Variants in GNG2 observed in about 807,000 individuals in gnomAD.
GNG2 encodes the protein guanine nucleotide-binding protein G(I)/G(S)/G(O) subunit gamma-2.
Under a neutral mutation model 5.5 loss-of-function variants are expected in GNG2, and 5 were observed. The ratio of observed to expected loss-of-function variants is 0.91; its 90% CI spans 0.48 to 1.92. The LOEUF (loss-of-function observed/expected upper bound fraction) is 1.92, where lower values mean the gene tolerates loss of function less well. Ranked by LOEUF, GNG2 falls within the 30% of genes most tolerant of loss-of-function variation. The pLI is 0.01. For synonymous variants in GNG2, 28 were observed against 32.0 expected, an observed-to-expected ratio of 0.88 and a Z score of 0.42; for missense variants, 55 against 88.4, an observed-to-expected ratio of 0.62 and a Z score of 1.52.
intron 2 of GNG2, among the ~76,000 whole-genome samples, chr14:51,915,837 A>T (rs1211195844): frequency 6.6e-6 from 1 of 152,164 alleles, no homozygotes; most frequent in Non-Finnish European, 1.5e-5. Context: ...CAGCTGCTGT[A>T]CTCTGTTCCC....
intron 2 of GNG2, among the ~76,000 whole-genome samples, chr14:51,852,085 T>G (rs747415119): frequency 5.3e-5 from 8 of 152,154 alleles, no homozygotes; most frequent in Non-Finnish European, 1.2e-4. Flanking sequence ...GACTTGGCTG[T>G]GGTCTGGGTA....
chr14:51,961,125 G>C (rs183370394), intron 3 of GNG2, among the ~76,000 whole-genome samples: 95 of 152,234 alleles, frequency 6.2e-4, no homozygotes, highest in South Asian at 1.0e-3. Flanking sequence ...TTCTCTCAGG[G>C]ATCACTCCTC....
At chr14:51,857,832 T>C (rs770247778), upstream of GNG2, among the ~76,000 whole-genome samples, 66 of 152,058 alleles carry the variant, frequency 4.3e-4, no homozygotes, top group Non-Finnish European at 4.9e-4. Context: ...ATGGAGAATA[T>C]AGAAAGAGGA....
intron 2 of GNG2, among the ~76,000 whole-genome samples, chr14:51,835,589 G>A (rs569870498): frequency 6.6e-6 from 1 of 152,184 alleles, no homozygotes; most frequent in East Asian, 1.9e-4. Flanking sequence ...CCCATGTTCT[G>A]TGTGTCTCTG....
At chr14:51,890,261 C>T (rs113495848) in intron 2 of GNG2, among the ~76,000 whole-genome samples, 37 of 152,332 alleles carry the variant, frequency 2.4e-4, no homozygotes, top group African/African-American at 8.9e-4. Flanking sequence ...GGAAATAGAG[C>T]TCCACCTGGT....
rs544477668 is a variant in GNG2 at position 51,875,698 on chromosome 14, AAAAT to A, written c.-70-1917_-70-1914del. The stretch of plus-strand genomic sequence containing the variant: ...ATTAGAAAAATATATTAAGACATAG[AAAAT>A]ATATATTAGAAAAAACATATGTAAA... On this transcript the variant is annotated intron_variant, in intron 1 of 3. Coordinates refer to ENST00000556766, the MANE Select transcript of GNG2 (RefSeq NM_053064.5). Among the ~76,000 whole-genome samples, 239 of 150,946 alleles carry A rather than the reference AAAAT, an allele frequency of 1.6e-3. 2 individuals carry two copies. Among genetic ancestry groups the A allele is most frequent in the African/African-American group, 5.5e-3 (226 of 41,314 alleles).
At chr14:51,838,517 C>A (rs1258397619) in intron 2 of GNG2, among the ~76,000 whole-genome samples, 8 of 152,110 alleles carry the variant, frequency 5.3e-5, no homozygotes, top group Admixed American at 5.2e-4. Context: ...GAAATGTGTC[C>A]AAATCCGACA....
intron 2 of GNG2, among the ~76,000 whole-genome samples, chr14:51,838,443 C>CAA (rs71121670): frequency 0.03 from 4,386 of 145,474 alleles, 112 homozygotes; most frequent in African/African-American, 0.062. Flanking sequence ...GACTCTGTCT[C>CAA]AAAAAAAAAA....
rs1345503482 is a variant in GNG2 at position 51,969,675 on chromosome 14, AGT to A, written c.*2995_*2996del. The A allele has an allele frequency of 2.0e-5, 3 of 152,186 alleles. 1 individual carries two copies. The highest frequency in any genetic ancestry group is 7.2e-5 in the African/African-American group (3 of 41,430). The allele number at this position is 152,186 out of a possible 1,614,324, so 9.4% of individuals were successfully genotyped here. The stretch of plus-strand genomic sequence containing the variant: ...CATTTTTCCTATATAAGATCTGTGG[AGT>A]GTGTGTTTCAAAGAGAGAACTACAG... On this transcript the variant is annotated 3_prime_UTR_variant, in exon 4 of 4. Transcript: ENST00000556766.
intron 2 of GNG2, among the ~76,000 whole-genome samples, chr14:51,900,973 A>T (rs924750272): frequency 2.0e-5 from 3 of 152,228 alleles, no homozygotes; most frequent in African/African-American, 7.2e-5. Flanking sequence ...GTGTGTTCCC[A>T]CACCCTGCCA....
chr14:51,956,753 G>T (rs1024506671), intron 3 of GNG2, among the ~76,000 whole-genome samples: 4 of 152,172 alleles, frequency 2.6e-5, no homozygotes, highest in African/African-American at 9.7e-5. Context: ...ATGACAGCCT[G>T]TGCTTATTTT....
intron 2 of GNG2, among the ~76,000 whole-genome samples, chr14:51,920,715 T>G (rs1367622918): frequency 1.3e-5 from 2 of 152,200 alleles, no homozygotes; most frequent in African/African-American, 4.8e-5. Context: ...ATTCCCTCTT[T>G]CCATTTCATT....
intron 2 of GNG2, among the ~76,000 whole-genome samples, chr14:51,837,219 A>G (rs564825568): frequency 2.0e-5 from 3 of 152,258 alleles, no homozygotes; most frequent in Non-Finnish European, 4.4e-5. Context: ...TGAAAGAAAC[A>G]TACCTCATTT....
chr14:51,831,451 G>T (rs1479020862), intron 2 of GNG2, among the ~76,000 whole-genome samples: 1 of 152,142 alleles, frequency 6.6e-6, no homozygotes, highest in African/African-American at 2.4e-5. Context: ...ATGAAAGGAT[G>T]ATATAAATGA....
rs1429627302 is a variant in GNG2 at position 51,969,397 on chromosome 14, T to G, written c.*2710T>G. 1 of 152,210 alleles carries G rather than the reference T, an allele frequency of 6.6e-6. No individual in the cohort carries two copies. Among genetic ancestry groups the G allele is most frequent in the African/African-American group, 2.4e-5 (1 of 41,452 alleles). The allele number at this position is 152,210 out of a possible 1,614,324, so 9.4% of individuals were successfully genotyped here. A position where few individuals can be genotyped will look rare whatever the true frequency, so the allele number is the denominator to read the frequency against. ...TCAATCAGAAGATGCAAATACATAC[T>G]TTGATCTATGTTTGATTTTGCTAAT... On this transcript the variant is annotated 3_prime_UTR_variant, in exon 4 of 4. Coordinates refer to ENST00000556766, the MANE Select transcript of GNG2 (RefSeq NM_053064.5).
chr14:51,952,125 C>T (rs546165773), intron 3 of GNG2: 132 of 565,476 alleles, frequency 2.3e-4, no homozygotes, highest in African/African-American at 2.1e-3. Flanking sequence ...TCTGCTAAGT[C>T]TCATCAGGTA....
intron 1 of GNG2, among the ~76,000 whole-genome samples, chr14:51,873,118 A>C (rs921111049): frequency 2.4e-4 from 37 of 152,212 alleles, no homozygotes; most frequent in Non-Finnish European, 5.4e-4. Flanking sequence ...GTGTTTAAGG[A>C]ATAAAATGGG....
At chr14:51,899,779 G>T (rs1885433589) in intron 2 of GNG2, among the ~76,000 whole-genome samples, 1 of 152,112 alleles carries the variant, frequency 6.6e-6, no homozygotes. Flanking sequence ...TTTTATGACT[G>T]GCTTATTTCA....
At chr14:51,854,572 C>T (rs1459717827) in intron 2 of GNG2, among the ~76,000 whole-genome samples, 1 of 151,970 alleles carries the variant, frequency 6.6e-6, no homozygotes, top group Non-Finnish European at 1.5e-5. Flanking sequence ...TGCAGTGGTG[C>T]TATCTTGGCT....
Sources: allele counts gnomAD v4.1 joint callset (sites outside exome capture counted in the v4.1 genomes callset), GRCh38; gene constraint gnomAD v4.1.1; transcripts MANE v1.5; gene names NCBI Gene and HGNC (gene_info 2026-07-23, HGNC 2026-07-21).